TNRC6B: variants seen among roughly 807,000 people sequenced by gnomAD.
The protein encoded by TNRC6B is trinucleotide repeat-containing gene 6B protein.
In TNRC6B, 52 loss-of-function variants were observed where a neutral mutation model predicts 203.6. The observed-to-expected ratio is 0.26, with a 90% CI of 0.20 to 0.32. The LOEUF (loss-of-function observed/expected upper bound fraction) is 0.32. Ranked by LOEUF, TNRC6B falls within the 10% of genes least tolerant of loss-of-function variation. TNRC6B has a pLI of 1.00. For missense variants in TNRC6B, 1,923 were observed against 2,286.2 expected (o/e 0.84, Z 3.24); for synonymous variants, 838 against 845.7 (o/e 0.99, Z 0.16).
At chr22:40,190,748 G>T (rs1026212344) in intron 1 of TNRC6B, among the ~76,000 whole-genome samples, 1 of 152,184 alleles carries the variant, frequency 6.6e-6, no homozygotes, top group Admixed American at 6.5e-5. Context: ...TCTCCTTTTC[G>T]AAGAGTGCTG....
intron 1 of TNRC6B, among the ~76,000 whole-genome samples, chr22:40,199,445 G>C (rs2069381562): frequency 6.6e-6 from 1 of 152,108 alleles, no homozygotes; most frequent in Non-Finnish European, 1.5e-5. Flanking sequence ...CCTCTGCAGT[G>C]TTCCTGCCAA....
intron 15 of TNRC6B, 46 bp from the exon 16 acceptor site, chr22:40,308,466 G>C (rs1379697323): frequency 1.2e-6 from 2 of 1,611,918 alleles, no homozygotes; most frequent in South Asian, 2.2e-5. Context: ...CAGAACTCTT[G>C]ATACTGATGC....
At chr22:40,057,604 G>A (rs1008218746) in intron 1 of TNRC6B, among the ~76,000 whole-genome samples, 1 of 152,092 alleles carries the variant, frequency 6.6e-6, no homozygotes, top group African/African-American at 2.4e-5. Context: ...TCATAATGGT[G>A]TTTTGGCATG....
chr22:40,098,238 G>A (rs1452375985), intron 1 of TNRC6B, among the ~76,000 whole-genome samples: 1 of 151,454 alleles, frequency 6.6e-6, no homozygotes, highest in Non-Finnish European at 1.5e-5. Flanking sequence ...ATACAAAAAT[G>A]AGCCGGGTGC....
chr22:40,158,340 CAATAAATA>C (rs144615900), intron 4 of TNRC6B, among the ~76,000 whole-genome samples: 26,588 of 138,948 alleles, frequency 0.19, 3,079 homozygotes, highest in Admixed American at 0.34. Flanking sequence ...ACTCCATCTT[CAATAAATA>C]AATAAATAAA....
At chr22:40,293,067 T>C (rs1423349139) in intron 12 of TNRC6B, among the ~76,000 whole-genome samples, 2 of 152,214 alleles carry the variant, frequency 1.3e-5, no homozygotes, top group African/African-American at 4.8e-5. Flanking sequence ...ATGGTTCATA[T>C]GATATTCCAT....
chr22:40,315,070 C>T (rs910897895), intron 19 of TNRC6B, among the ~76,000 whole-genome samples: 2 of 152,132 alleles, frequency 1.3e-5, no homozygotes, highest in Non-Finnish European at 2.9e-5. Flanking sequence ...TATGATAATT[C>T]TATCAATTCA....
intron 1 of TNRC6B, among the ~76,000 whole-genome samples, chr22:40,115,284 A>G (rs892750124): frequency 1.3e-5 from 2 of 152,192 alleles, no homozygotes; most frequent in African/African-American, 4.8e-5. Context: ...TAAGCGGGAA[A>G]CTTTAATCAG....
intron 1 of TNRC6B, among the ~76,000 whole-genome samples, chr22:40,080,840 T>G (rs1463627280): frequency 7.2e-6 from 1 of 139,100 alleles, no homozygotes; most frequent in Non-Finnish European, 1.5e-5. Flanking sequence ...CTTTTTTGTT[T>G]TTTTTTTTTT....
intron 1 of TNRC6B, among the ~76,000 whole-genome samples, chr22:40,114,468 A>G (rs1010403615): frequency 3.3e-5 from 5 of 152,102 alleles, no homozygotes; most frequent in Non-Finnish European, 5.9e-5. Context: ...CTACAGGCAC[A>G]TGCCACCATG....
At chr22:40,207,018 C>G (rs2069487593) in intron 1 of TNRC6B, among the ~76,000 whole-genome samples, 1 of 152,074 alleles carries the variant, frequency 6.6e-6, no homozygotes. Flanking sequence ...AAGAATTGCT[C>G]CCCATCTCTT....
intron 1 of TNRC6B, among the ~76,000 whole-genome samples, chr22:40,075,086 G>A (rs972744309): frequency 1.2e-4 from 18 of 145,952 alleles, no homozygotes; most frequent in Admixed American, 3.4e-4. Context: ...CTATTCTTGG[G>A]TGTAGTGTGC....
chr22:40,283,188 G>T (rs988142056), intron 11 of TNRC6B, among the ~76,000 whole-genome samples: 2 of 151,968 alleles, frequency 1.3e-5, no homozygotes, highest in Non-Finnish European at 2.9e-5. Flanking sequence ...ACAGGCTCCC[G>T]CAACCACGCC....
In TNRC6B at chr22:40,077,775, G is replaced by A. The variant is rs75608776; in HGVS notation, c.-121+32777G>A. ...TTTGATGGCAGTCTTTTGTGTGTGTGTGTGTGTATATACACACTTGGAGAA... is the reference window on the plus strand; with the variant it reads ...TTTGATGGCAGTCTTTTGTGTGTGTATGTGTGTATATACACACTTGGAGAA... On this transcript the variant is annotated intron_variant, in intron 1 of 23. Transcript: ENST00000301923. 7.6e-4 allele frequency among the ~76,000 whole-genome samples: 116 copies of A among 152,246 alleles called. No homozygotes were observed. In the East Asian group the frequency reaches 0.02, roughly 27 times the overall value.
chr22:40,058,413 A>G (rs543568291), intron 1 of TNRC6B, among the ~76,000 whole-genome samples: 2 of 118,280 alleles, frequency 1.7e-5, no homozygotes, highest in Non-Finnish European at 3.3e-5. Flanking sequence ...CTTTAGCACA[A>G]TGTGCTTTAG....
chr22:40,080,108 T>TC (rs904312054), intron 1 of TNRC6B, among the ~76,000 whole-genome samples: 6 of 149,126 alleles, frequency 4.0e-5, no homozygotes, highest in African/African-American at 1.5e-4. Flanking sequence ...TTTTTTTTTT[T>TC]TTTTTGTGTA....
At chr22:40,117,434 G>A (rs748344957) in intron 2 of TNRC6B, among the ~76,000 whole-genome samples, 13 of 151,844 alleles carry the variant, frequency 8.6e-5, no homozygotes, top group Non-Finnish European at 1.2e-4. Context: ...TCCCTGCTGC[G>A]GTCTGTAGTC....
At chr22:40,175,747 G>A (rs2069050244), upstream of TNRC6B, among the ~76,000 whole-genome samples, 1 of 152,202 alleles carries the variant, frequency 6.6e-6, no homozygotes, top group Non-Finnish European at 1.5e-5. Flanking sequence ...TGTCAGTGCA[G>A]GGCCTGGCTA....
intron 11 of TNRC6B, among the ~76,000 whole-genome samples, chr22:40,284,983 G>C (rs1419045170): frequency 2.0e-5 from 3 of 152,230 alleles, no homozygotes; most frequent in Non-Finnish European, 4.4e-5. Flanking sequence ...CCAGAAAGGA[G>C]GGAGTTCCGC....
Sources: gnomAD v4.1 joint callset for allele counts (sites outside exome capture counted in the v4.1 genomes callset) on GRCh38, gnomAD v4.1.1 for gene constraint, MANE v1.5 for transcripts, NCBI Gene and HGNC (gene_info 2026-07-23, HGNC 2026-07-21) for gene names.